The following FMO2 variants were observed in gnomAD, a reference collection of about 807,000 sequenced individuals.
The protein encoded by FMO2 is flavin-containing monooxygenase 2.
Under a neutral mutation model 41.6 loss-of-function variants are expected in FMO2, and 33 were observed. The ratio of observed to expected loss-of-function variants is 0.79; its 90% CI spans 0.60 to 1.06. FMO2 has a LOEUF of 1.06. Among genes scored for constraint, FMO2 ranks in the 50% least tolerant of loss-of-function variants. FMO2 has a pLI of 0.00. For missense variants in FMO2, 619 were observed against 632.9 expected, an observed-to-expected ratio of 0.98 and a Z score of 0.23; for synonymous variants, 214 against 219.6, an observed-to-expected ratio of 0.97 and a Z score of 0.23.
chr1:171,190,849 A>G (rs1280182202), intron 2 of FMO2, among the ~76,000 whole-genome samples: 1 of 152,184 alleles, frequency 6.6e-6, no homozygotes, highest in Admixed American at 6.5e-5. Context: ...ACCCAACAAT[A>G]AAAGTTTATC....
At chr1:171,192,991 G>A (rs1055656891) in intron 2 of FMO2, among the ~76,000 whole-genome samples, 1 of 152,086 alleles carries the variant, frequency 6.6e-6, no homozygotes, top group African/African-American at 2.4e-5. Flanking sequence ...TCCCCAAGGG[G>A]AATTTAGGAA....
intron 7 of FMO2, among the ~76,000 whole-genome samples, chr1:171,207,187 T>G (rs1234530005): frequency 2.0e-5 from 3 of 152,152 alleles, no homozygotes; most frequent in Non-Finnish European, 4.4e-5. Flanking sequence ...GATGGAGTCA[T>G]GAGCACACAG....
intron 2 of FMO2, 44 bp from the exon 3 acceptor site, chr1:171,193,291 T>G: frequency 6.7e-7 from 1 of 1,485,770 alleles, no homozygotes; most frequent in Non-Finnish European, 9.2e-7. Flanking sequence ...ACAAAAAATT[T>G]TTGAATGCGT....
rs1659009458 is a variant in FMO2, at chr1:171,212,185, G to A, written c.*3040G>A. The stretch of plus-strand genomic sequence containing the variant: ...ATGGGGCCTAATGAGGTGATTAGGT[G>A]AAGTCTCTGCCCTCATGAAAAGATT... On this transcript the variant is annotated 3_prime_UTR_variant, in exon 9 of 9. Transcript: ENST00000209929. Among the ~76,000 whole-genome samples the A allele has an allele frequency of 6.6e-6, 1 of 152,182 alleles. No individual in the cohort carries two copies. Among genetic ancestry groups the A allele is most frequent in the Non-Finnish European group, 1.5e-5 (1 of 68,042 alleles).
chr1:171,205,420 T>A lies in FMO2; in HGVS notation c.969T>A (p.Asp323Glu), dbSNP rs1658716828. 1 of 1,613,936 alleles carries A rather than the reference T, an allele frequency of 6.2e-7. No individual in the cohort carries two copies. The highest frequency in any genetic ancestry group is 2.2e-5 in the East Asian group (1 of 44,868). ...FEDGTVEENIDVIIFATGYSF... is the reference protein window; with the variant it reads ...FEDGTVEENIEVIIFATGYSF... ...ATGGAACAGTGGAGGAGAACATTGA[T>A]GTCATCATTTTTGCAACAGGATATA... Residue 323 changes from aspartate (D) to glutamate (E), a missense_variant, in exon 7 of 9, where the codon GAT becomes GAA. Transcript: ENST00000209929.
intron 2 of FMO2, among the ~76,000 whole-genome samples, chr1:171,189,899 T>G (rs531574652): frequency 3.9e-5 from 6 of 152,134 alleles, no homozygotes; most frequent in Non-Finnish European, 8.8e-5. Context: ...GTTTTAATCA[T>G]ATTCAATTCA....
At chr1:171,206,522 T>C (rs1658764004) in intron 7 of FMO2, among the ~76,000 whole-genome samples, 1 of 152,290 alleles carries the variant, frequency 6.6e-6, no homozygotes, top group South Asian at 2.1e-4. Flanking sequence ...TAAGACATGC[T>C]ATGGAGCTTA....
At chr1:171,202,789 T>A (rs1658585970) in intron 5 of FMO2, among the ~76,000 whole-genome samples, 1 of 152,220 alleles carries the variant, frequency 6.6e-6, no homozygotes, top group Non-Finnish European at 1.5e-5. Context: ...TGCAAGTGAA[T>A]CTTATGTGTT....
chr1:171,203,321 T>TCACACA (rs1491166759), intron 5 of FMO2, among the ~76,000 whole-genome samples: 62 of 122,656 alleles, frequency 5.1e-4, no homozygotes, highest in African/African-American at 1.7e-3. Context: ...CAAGACCCTG[T>TCACACA]CTCACACACA....
chr1:171,193,876 C>T lies in FMO2; in HGVS notation c.321+353C>T, dbSNP rs575144784. On this transcript the variant is annotated intron_variant, in intron 3 of 8. Transcript: ENST00000209929. ...CTCACTGCAACCTCTGCCTTCCAGG[C>T]TCAAGTGATTCTCCTGCCTCGGCCT... 4.0e-5 allele frequency among the ~76,000 whole-genome samples: 6 copies of T among 151,856 alleles called. No homozygotes were observed. In the East Asian group the frequency reaches 1.2e-3, roughly 29 times the overall value.
rs1268365285 is a variant in FMO2 at position 171,212,505 on chromosome 1, T to C, written c.*3360T>C. Among the ~76,000 whole-genome samples the C allele has an allele frequency of 2.0e-5, 3 of 152,208 alleles. No individual in the cohort carries two copies. The highest frequency in any genetic ancestry group is 2.0e-4 in the Admixed American group (3 of 15,282). On this transcript the variant is annotated 3_prime_UTR_variant, in exon 9 of 9. Transcript: ENST00000209929. ...CTTGTGATGGCTCCCTTTACTAACC[T>C]TTCTTTTAGCTATTCCCTTTATGAT...
intron 2 of FMO2, among the ~76,000 whole-genome samples, chr1:171,186,564 A>C (rs773627835): frequency 6.6e-6 from 1 of 152,166 alleles, no homozygotes; most frequent in African/African-American, 2.4e-5. Flanking sequence ...TAAAACCATC[A>C]GATCTCATTA....
chr1:171,212,210 T>C lies in FMO2; in HGVS notation c.*3065T>C, dbSNP rs1223646740. 2.0e-5 allele frequency among the ~76,000 whole-genome samples: 3 copies of C among 152,182 alleles called. No individual in the cohort carries two copies. Among genetic ancestry groups the C allele is most frequent in the African/African-American group, 7.2e-5 (3 of 41,446 alleles). On this transcript the variant is annotated 3_prime_UTR_variant, in exon 9 of 9. Transcript: ENST00000209929. The stretch of plus-strand genomic sequence containing the variant: ...GAAGTCTCTGCCCTCATGAAAAGAT[T>C]AATCCCATTATCTCAGGAGTGTGTT...
At chr1:171,199,583 A>T (rs759690217) in intron 5 of FMO2, 95 bp downstream of exon 5, 40 of 1,219,232 alleles carry the variant, frequency 3.3e-5, no homozygotes, top group Non-Finnish European at 4.4e-5. Context: ...TCCAATCCTC[A>T]TTAACTAGTT....
intron 8 of FMO2, 62 bp downstream of exon 8, chr1:171,207,852 A>G (rs899504073): frequency 2.8e-6 from 3 of 1,065,672 alleles, no homozygotes; most frequent in Non-Finnish European, 4.3e-6. Context: ...TGATCTAACT[A>G]CTTACAAGAA....
In FMO2 at chr1:171,189,654, C is replaced by CTTTTTTTTTT. The variant is rs199536748; in HGVS notation, c.133-3677_133-3676insTTTTTTTTTT. On this transcript the variant is annotated intron_variant, in intron 2 of 8. Transcript: ENST00000209929. ...ACAGAAATCTGAGCCCGTCTTTTTT[C>CTTTTTTTTTT]TTTTCTTTTTTTTTTTTTTTTTGAG... 1.5e-3 allele frequency among the ~76,000 whole-genome samples: 188 copies of CTTTTTTTTTT among 122,700 alleles called. 11 individuals carry two copies. The highest frequency in any genetic ancestry group is 4.5e-3 in the Middle Eastern group (1 of 222). The allele number at this position is 122,700 out of a possible 152,430, so 80.5% of individuals were successfully genotyped here.
intron 2 of FMO2, 161 bp downstream of exon 2, chr1:171,186,006 A>T: frequency 1.3e-6 from 1 of 763,284 alleles, no homozygotes; most frequent in Non-Finnish European, 2.0e-6. Context: ...ATAGGCTGGC[A>T]TCTCTCCCCC....
intron 5 of FMO2, among the ~76,000 whole-genome samples, chr1:171,202,541 C>T (rs1658577072): frequency 6.6e-6 from 1 of 152,204 alleles, no homozygotes; most frequent in South Asian, 2.1e-4. Flanking sequence ...CAGTACTTAT[C>T]ACTTGCCAGG....
chr1:171,198,375 G>A (rs775552508), intron 4 of FMO2, among the ~76,000 whole-genome samples: 1 of 151,232 alleles, frequency 6.6e-6, no homozygotes, highest in Admixed American at 6.6e-5. Flanking sequence ...ACTTCATAAT[G>A]TGCTTAAGAA....
Sources: allele counts gnomAD v4.1 joint callset (sites outside exome capture counted in the v4.1 genomes callset), GRCh38; gene constraint gnomAD v4.1.1; transcripts MANE v1.5; gene names NCBI Gene and HGNC (gene_info 2026-07-23, HGNC 2026-07-21).